SOX5: variants seen among roughly 807,000 people sequenced by gnomAD.
SOX5 encodes the protein transcription factor SOX-5.
SOX5 carries 9 observed loss-of-function variants against 92.0 expected under a neutral mutation model. The observed-to-expected ratio is 0.10, with a 90% CI of 0.06 to 0.17. The LOEUF (loss-of-function observed/expected upper bound fraction) is 0.17. Among genes scored for constraint, SOX5 ranks in the 10% least tolerant of loss-of-function variants. The pLI, the probability that SOX5 is intolerant of heterozygous loss-of-function variation, is 1.00. For synonymous variants in SOX5, 344 were observed against 336.3 expected (o/e 1.02, Z -0.25); for missense variants, 642 against 944.5 (o/e 0.68, Z 4.20).
intron 4 of SOX5, among the ~76,000 whole-genome samples, chr12:24,111,750 A>G (rs1947371744): frequency 6.6e-6 from 1 of 152,172 alleles, no homozygotes; most frequent in Non-Finnish European, 1.5e-5. Flanking sequence ...CTTCATGGCA[A>G]TTCTTCAAAT....
At chr12:24,202,970 T>C (rs973968749) in intron 4 of SOX5, among the ~76,000 whole-genome samples, 1 of 152,218 alleles carries the variant, frequency 6.6e-6, no homozygotes, top group African/African-American at 2.4e-5. Flanking sequence ...TTTATCATTA[T>C]ATTTTCACCC....
At chr12:24,373,473 C>T (rs554904001) in intron 1 of SOX5, among the ~76,000 whole-genome samples, 1 of 152,180 alleles carries the variant, frequency 6.6e-6, no homozygotes, top group South Asian at 2.1e-4. Flanking sequence ...ATTTAGTTTC[C>T]TTTTCTTAAA....
chr12:24,414,951 A>G (rs1200130990), intron 1 of SOX5, among the ~76,000 whole-genome samples: 2 of 152,192 alleles, frequency 1.3e-5, no homozygotes, highest in Non-Finnish European at 2.9e-5. Context: ...AGGCATTTCT[A>G]TAGCCAATGC....
At position 24,198,210 on chromosome 12, in the gene SOX5, T is replaced by C. The variant is rs183071361; in HGVS notation, c.-2+15133A>G. Among the ~76,000 whole-genome samples the C allele has an allele frequency of 1.5e-4, 22 of 150,508 alleles. 1 individual carries two copies. In the East Asian group the frequency reaches 2.6e-3, roughly 18 times the overall value. ...CACAGACCTATTACCACAATCGCTA[T>C]CCAAAATGAGAACAGAAACAATTGT... On this transcript the variant is annotated intron_variant, in intron 4 of 4. Coordinates refer to the SOX5 transcript ENST00000446891.
intron 3 of SOX5, among the ~76,000 whole-genome samples, chr12:24,223,783 C>CA (rs1961133626): frequency 1.3e-5 from 2 of 151,842 alleles, no homozygotes; most frequent in African/African-American, 4.8e-5. Context: ...AAACAAAAAA[C>CA]AACAAACAAA....
At chr12:24,283,914 A>G (rs1945517040) in intron 2 of SOX5, among the ~76,000 whole-genome samples, 1 of 152,232 alleles carries the variant, frequency 6.6e-6, no homozygotes, top group South Asian at 2.1e-4. Context: ...TGAATATTCC[A>G]GCTAAAGTAG....
At chr12:24,557,411 A>AAAAG (rs1159540834) in intron 1 of SOX5, among the ~76,000 whole-genome samples, 2 of 151,560 alleles carry the variant, frequency 1.3e-5, no homozygotes, top group African/African-American at 4.8e-5. Context: ...AAAAAAAAAA[A>AAAAG]AAAGAAAGAA....
chr12:23,777,713 C>G (rs1162795725), intron 3 of SOX5, among the ~76,000 whole-genome samples: 1 of 151,576 alleles, frequency 6.6e-6, no homozygotes, highest in East Asian at 1.9e-4. Flanking sequence ...TCACACTATA[C>G]AAACATTTAA....
chr12:24,341,785 C>T (rs1302683542), intron 2 of SOX5, among the ~76,000 whole-genome samples: 1 of 152,154 alleles, frequency 6.6e-6, no homozygotes, highest in Non-Finnish European at 1.5e-5. Context: ...TGGCTTCCTT[C>T]AAGATCCACC....
chr12:24,415,152 G>C (rs138728851), intron 1 of SOX5, among the ~76,000 whole-genome samples: 1 of 152,218 alleles, frequency 6.6e-6, no homozygotes, highest in Non-Finnish European at 1.5e-5. Context: ...AAGTAAAATA[G>C]ATATATCCCT....
intron 11 of SOX5, among the ~76,000 whole-genome samples, chr12:23,561,267 G>T (rs1398603931): frequency 4.6e-5 from 7 of 152,170 alleles, no homozygotes; most frequent in Admixed American, 3.9e-4. Flanking sequence ...AGTAGGAGGT[G>T]CTAATCAGAG....
chr12:24,308,961 A>C (rs1362752716), intron 2 of SOX5, among the ~76,000 whole-genome samples: 1 of 152,176 alleles, frequency 6.6e-6, no homozygotes, highest in Non-Finnish European at 1.5e-5. Context: ...TTTGTACCTT[A>C]AAAGTAAAGG....
chr12:24,462,659 G>A (rs1018849238), intron 1 of SOX5, among the ~76,000 whole-genome samples: 3 of 152,014 alleles, frequency 2.0e-5, no homozygotes, highest in Admixed American at 6.6e-5. Context: ...ATATAATGAC[G>A]TAAATGAACA....
At chr12:24,124,884 C>T (rs756435253) in intron 4 of SOX5, among the ~76,000 whole-genome samples, 8 of 152,158 alleles carry the variant, frequency 5.3e-5, no homozygotes, top group Non-Finnish European at 1.0e-4. Flanking sequence ...CAGATACATT[C>T]GTGTGTAAAA....
At chr12:24,400,688 C>T (rs1171995936) in intron 1 of SOX5, among the ~76,000 whole-genome samples, 2 of 152,144 alleles carry the variant, frequency 1.3e-5, no homozygotes, top group African/African-American at 4.8e-5. Context: ...GTCCTGCTGC[C>T]TCAGGTAGAC....
intron 2 of SOX5, among the ~76,000 whole-genome samples, chr12:24,285,545 T>C (rs1945762933): frequency 6.6e-6 from 1 of 152,232 alleles, no homozygotes; most frequent in Admixed American, 6.5e-5. Context: ...GTTCTGGAAA[T>C]TCTACATCAG....
intron 1 of SOX5, among the ~76,000 whole-genome samples, chr12:23,924,721 G>C (rs1939448068): frequency 6.6e-6 from 1 of 152,026 alleles, no homozygotes. Context: ...TGATATAGCA[G>C]GAAGTTGCTT....
rs573380846 is a variant in SOX5 at position 24,519,132 on chromosome 12, C to A, written c.-251+43197G>T. ...AAACCCTAGAAATAAAATTCTCTCT[C>A]ATTAAATCATTGTACAATTTTTGCT... On this transcript the variant is annotated intron_variant, in intron 1 of 4. Coordinates refer to the SOX5 transcript ENST00000446891. Among the ~76,000 whole-genome samples, 12 of 152,194 alleles carry A rather than the reference C, an allele frequency of 7.9e-5. No homozygotes were observed. In the East Asian group the frequency reaches 2.3e-3, roughly 29 times the overall value.
At chr12:24,157,852 C>T (rs1036070619) in intron 4 of SOX5, among the ~76,000 whole-genome samples, 20 of 152,186 alleles carry the variant, frequency 1.3e-4, no homozygotes, top group African/African-American at 4.8e-4. Context: ...GGGCTTCTGC[C>T]TCCATGAGTC....
Sources: gnomAD v4.1 joint callset for allele counts (sites outside exome capture counted in the v4.1 genomes callset) on GRCh38, gnomAD v4.1.1 for gene constraint, MANE v1.5 for transcripts, NCBI Gene and HGNC (gene_info 2026-07-23, HGNC 2026-07-21) for gene names.